The following TMEFF2 variants were observed in gnomAD, a reference collection of about 807,000 sequenced individuals.
TMEFF2 encodes the protein tomoregulin-2.
In TMEFF2, 28 loss-of-function variants were observed where a neutral mutation model predicts 53.8. That is an observed-to-expected ratio of 0.52 (90% CI 0.39 to 0.71). TMEFF2 has a LOEUF of 0.71. TMEFF2 is among the 30% of genes least tolerant of loss of function. The pLI is 0.00. For missense variants in TMEFF2, 353 were observed against 455.2 expected (o/e 0.78, Z 2.04); for synonymous variants, 162 against 166.3 (o/e 0.97, Z 0.20).
intron 4 of TMEFF2, among the ~76,000 whole-genome samples, chr2:192,104,506 A>G (rs766120113): frequency 3.9e-5 from 6 of 152,158 alleles, no homozygotes; most frequent in Non-Finnish European, 7.4e-5. Context: ...ATTGCAATAT[A>G]TGAAACCATT....
intron 5 of TMEFF2, among the ~76,000 whole-genome samples, chr2:192,041,085 A>G (rs1237849955): frequency 6.6e-6 from 1 of 152,204 alleles, no homozygotes; most frequent in Non-Finnish European, 1.5e-5. Flanking sequence ...AGATATAACA[A>G]CAAACACAAG....
intron 5 of TMEFF2, among the ~76,000 whole-genome samples, chr2:192,003,928 T>TGG (rs372342056): frequency 0.036 from 4,263 of 119,120 alleles, 408 homozygotes; most frequent in African/African-American, 0.12. Flanking sequence ...TGTGTGTGTG[T>TGG]GGGGGGGGGG....
Position 191,950,450 on chromosome 2 carries a change from A to T in TMEFF2, c.1029-43T>A, listed in dbSNP as rs766753638. On this transcript the variant is annotated intron_variant, in intron 9 of 9. Transcript: ENST00000272771. ...TTACAAATCTCAGTCCAATGCTATT[A>T]CCTAAAGTTTGGCCCTACAATCACA... The T allele has an allele frequency of 3.1e-6, 5 of 1,613,796 alleles. No homozygotes were observed. In the South Asian group the frequency reaches 5.5e-5, roughly 18 times the overall value.
chr2:192,075,314 T>TAC (rs1688400369), intron 4 of TMEFF2, among the ~76,000 whole-genome samples: 1 of 79,872 alleles, frequency 1.3e-5, no homozygotes, highest in Non-Finnish European at 2.8e-5. Context: ...TATATATATA[T>TAC]ATATATATAT....
chr2:191,987,800 A>G (rs1227005144), intron 7 of TMEFF2, among the ~76,000 whole-genome samples: 1 of 152,230 alleles, frequency 6.6e-6, no homozygotes, highest in Non-Finnish European at 1.5e-5. Context: ...GAAATTAAAA[A>G]TATGATTATC....
chr2:192,071,173 G>A (rs746569909), intron 4 of TMEFF2, among the ~76,000 whole-genome samples: 1 of 152,000 alleles, frequency 6.6e-6, no homozygotes, highest in East Asian at 1.9e-4. Context: ...ACTGGGGACA[G>A]GTGTAATGTC....
chr2:192,023,176 T>C (rs1039448266), intron 5 of TMEFF2, among the ~76,000 whole-genome samples: 3 of 152,190 alleles, frequency 2.0e-5, no homozygotes, highest in Non-Finnish European at 4.4e-5. Context: ...AAGTTCTTAG[T>C]TCAAAGCCGA....
chr2:192,030,472 C>T (rs1162496150), intron 5 of TMEFF2: 1 of 152,000 alleles, frequency 6.6e-6, no homozygotes, highest in African/African-American at 2.4e-5. Flanking sequence ...CTGTAGCCTT[C>T]CTGTTTCAAT....
chr2:192,132,442 C>T (rs1210622266), intron 4 of TMEFF2, among the ~76,000 whole-genome samples: 1 of 151,984 alleles, frequency 6.6e-6, no homozygotes, highest in Non-Finnish European at 1.5e-5. Context: ...ATCTCATTCT[C>T]AATATACATT....
At chr2:192,062,544 A>G (rs1267851657) in intron 4 of TMEFF2, among the ~76,000 whole-genome samples, 1 of 152,182 alleles carries the variant, frequency 6.6e-6, no homozygotes, top group Non-Finnish European at 1.5e-5. Context: ...CAGCAGGATT[A>G]CTGAATCTTA....
chr2:191,971,942 G>A (rs1276876388), intron 7 of TMEFF2, among the ~76,000 whole-genome samples: 2 of 152,082 alleles, frequency 1.3e-5, no homozygotes, highest in Non-Finnish European at 2.9e-5. Flanking sequence ...AGAAAGAGCT[G>A]GTCAGAGATA....
At chr2:192,075,312 T>TATATATATATATATATAA (rs1688400074) in intron 4 of TMEFF2, among the ~76,000 whole-genome samples, 50 of 105,760 alleles carry the variant, frequency 4.7e-4, no homozygotes, top group Non-Finnish European at 8.7e-4. Flanking sequence ...TATATATATA[T>TATATATATATATATATAA]ATATATATAT....
At chr2:192,123,098 A>G (rs1239268079) in intron 4 of TMEFF2, among the ~76,000 whole-genome samples, 1 of 152,200 alleles carries the variant, frequency 6.6e-6, no homozygotes, top group Non-Finnish European at 1.5e-5. Context: ...CTCTAAAATC[A>G]TATTAAGGAG....
At chr2:192,144,405 C>T (rs576870759) in intron 4 of TMEFF2, among the ~76,000 whole-genome samples, 1 of 152,076 alleles carries the variant, frequency 6.6e-6, no homozygotes, top group Non-Finnish European at 1.5e-5. Context: ...CTCATCCAGA[C>T]TCATACTCAT....
chr2:192,003,925 GT>G (rs1343033959), intron 5 of TMEFF2, among the ~76,000 whole-genome samples: 1 of 128,470 alleles, frequency 7.8e-6, no homozygotes, highest in African/African-American at 3.3e-5. Context: ...TTGTGTGTGT[GT>G]GTGGGGGGGG....
intron 7 of TMEFF2, among the ~76,000 whole-genome samples, chr2:191,989,391 T>C (rs1444512839): frequency 1.3e-5 from 2 of 152,136 alleles, no homozygotes; most frequent in South Asian, 2.1e-4. Flanking sequence ...AGGACACTTA[T>C]TTATCCTAAT....
At chr2:192,152,932 C>T (rs914669363) in intron 4 of TMEFF2, among the ~76,000 whole-genome samples, 2 of 151,808 alleles carry the variant, frequency 1.3e-5, no homozygotes, top group Non-Finnish European at 2.9e-5. Flanking sequence ...TAAGGATGAA[C>T]TGGTCAAGTC....
chr2:192,194,241 G>A lies in TMEFF2; in HGVS notation c.172+112C>T. The A allele has an allele frequency of 7.8e-7, 1 of 1,283,356 alleles. No individual in the cohort carries two copies. The highest frequency in any genetic ancestry group is 1.3e-5 in the South Asian group (1 of 74,328). The allele number at this position is 1,283,356 out of a possible 1,614,324, so 79.5% of individuals were successfully genotyped here. A position where few individuals can be genotyped will look rare whatever the true frequency, so the allele number is the denominator to read the frequency against. ...AGAGGTGGGTGGTATTAGGGGTCTA[G>A]GGCAGTAGGAGGTGAGGGGCTGAGG... is the stretch of plus-strand genomic sequence containing the variant. On this transcript the variant is annotated intron_variant, in intron 1 of 9. Coordinates refer to ENST00000272771, the MANE Select transcript of TMEFF2 (RefSeq NM_016192.4). The surrounding 1 kb of genome is among the most constrained non-coding windows in gnomAD (Gnocchi z 4.2).
chr2:191,956,244 A>T lies in TMEFF2; in HGVS notation c.869+11T>A. The T allele has an allele frequency of 6.2e-7, 1 of 1,602,020 alleles. No homozygotes were observed. Among genetic ancestry groups the T allele is most frequent in the Non-Finnish European group, 8.5e-7 (1 of 1,176,186 alleles). ...TTATACATTAACTATTCTTGCGAGT[A>T]AAAATGTTACCTGCAAGATGGCTCC... On this transcript the variant is annotated intron_variant, in intron 8 of 9. Coordinates refer to ENST00000272771, the MANE Select transcript of TMEFF2 (RefSeq NM_016192.4).
Sources: gnomAD v4.1 joint callset for allele counts (sites outside exome capture counted in the v4.1 genomes callset) on GRCh38, gnomAD v4.1.1 for gene constraint, Gnocchi (gnomAD v3.1) non-coding constraint, MANE v1.5 for transcripts, NCBI Gene and HGNC (gene_info 2026-07-23, HGNC 2026-07-21) for gene names.